GRM1: variants seen among roughly 807,000 people sequenced by gnomAD.
GRM1 encodes the protein glutamate metabotropic receptor 1.
Under a neutral mutation model 90.9 loss-of-function variants are expected in GRM1, and 33 were observed. That is an observed-to-expected ratio of 0.36 (90% CI 0.28 to 0.49). The LOEUF (loss-of-function observed/expected upper bound fraction) is 0.49, where lower values mean the gene tolerates loss of function less well. Ranked by LOEUF, GRM1 falls within the 20% of genes least tolerant of loss-of-function variation. The probability of loss-of-function intolerance (pLI) is 0.99; values close to 1 mark genes in which losing one functional copy is unlikely to be tolerated. For missense variants in GRM1, 1,190 were observed against 1,534.3 expected (o/e 0.78, Z 3.75); for synonymous variants, 700 against 613.2 (o/e 1.14, Z -2.09).
At chr6:146,352,544 G>A in intron 4 of GRM1, 48 bp downstream of exon 4, 1 of 1,597,432 alleles carries the variant, frequency 6.3e-7, no homozygotes. Context: ...GCCTTCCTGT[G>A]CCAGACAGAT....
chr6:146,199,973 T>C (rs1779248182), intron 2 of GRM1, among the ~76,000 whole-genome samples: 2 of 152,168 alleles, frequency 1.3e-5, no homozygotes, highest in Admixed American at 1.3e-4. Context: ...CCAAAATCTT[T>C]AACTGTTTCT....
At chr6:146,368,577 T>C (rs62434337) in intron 5 of GRM1, among the ~76,000 whole-genome samples, 5,907 of 152,202 alleles carry the variant, frequency 0.039, 153 homozygotes, top group Admixed American at 0.087. Flanking sequence ...GAATTTTTAT[T>C]ATTAAGTGAT....
intron 2 of GRM1, among the ~76,000 whole-genome samples, chr6:146,212,057 A>T (rs996284534): frequency 6.6e-6 from 1 of 152,206 alleles, no homozygotes; most frequent in African/African-American, 2.4e-5. Context: ...GGTGAAATTT[A>T]TTCTTCATCA....
At chr6:146,072,483 G>A (rs1272539467) in intron 1 of GRM1, among the ~76,000 whole-genome samples, 1 of 152,094 alleles carries the variant, frequency 6.6e-6, no homozygotes, top group Non-Finnish European at 1.5e-5. Context: ...TTTTTAGCAA[G>A]ATTCCACATC....
chr6:146,390,733 C>CT (rs967872037), intron 6 of GRM1, among the ~76,000 whole-genome samples: 1 of 151,996 alleles, frequency 6.6e-6, no homozygotes, highest in Non-Finnish European at 1.5e-5. Flanking sequence ...GTGCCAGGTA[C>CT]TTTTTAAAAA....
chr6:146,131,899 A>G (rs755009872), intron 1 of GRM1, among the ~76,000 whole-genome samples: 1 of 152,210 alleles, frequency 6.6e-6, no homozygotes, highest in Non-Finnish European at 1.5e-5. Context: ...GCCACTTTAT[A>G]TAGGATGGCC....
At chr6:146,086,269 T>G (rs1776542227) in intron 1 of GRM1, among the ~76,000 whole-genome samples, 1 of 152,188 alleles carries the variant, frequency 6.6e-6, no homozygotes, top group Non-Finnish European at 1.5e-5. Flanking sequence ...TTTGCTCCTC[T>G]TGCCCAGGTC....
intron 1 of GRM1, among the ~76,000 whole-genome samples, chr6:146,077,580 A>G (rs1366637881): frequency 6.6e-6 from 1 of 152,230 alleles, no homozygotes; most frequent in African/African-American, 2.4e-5. Flanking sequence ...ATTTCTGCTG[A>G]ACTTTGGAAA....
intron 1 of GRM1, among the ~76,000 whole-genome samples, chr6:146,105,169 C>T (rs1777185433): frequency 6.6e-6 from 1 of 152,122 alleles, no homozygotes; most frequent in East Asian, 1.9e-4. Flanking sequence ...ATCATTGTGA[C>T]TTTTGATGAG....
At chr6:146,255,009 C>T (rs577623297) in intron 2 of GRM1, among the ~76,000 whole-genome samples, 5 of 152,052 alleles carry the variant, frequency 3.3e-5, no homozygotes, top group Non-Finnish European at 7.4e-5. Context: ...TAAATAAAAA[C>T]GGTATGAATA....
chr6:146,197,702 A>G (rs1779168165), intron 2 of GRM1, among the ~76,000 whole-genome samples: 1 of 152,242 alleles, frequency 6.6e-6, no homozygotes, highest in South Asian at 2.1e-4. Context: ...AGTATTGTTC[A>G]TCCTCTGTGA....
In GRM1 at chr6:146,029,286, T is replaced by C. The variant is rs1010675301; in HGVS notation, c.-232T>C. 1.7e-6 allele frequency: 1 copy of C among 580,258 alleles called. No individual in the cohort carries two copies. Among genetic ancestry groups the C allele is most frequent in the Non-Finnish European group, 3.1e-6 (1 of 324,812 alleles). The allele number at this position is 580,258 out of a possible 1,614,324, so 35.9% of individuals were successfully genotyped here. ...TACCGGTGAAGAACGGGGACTCGAA[T>C]TCCCTTACAAACGCCTCCAGCTTGT... On this transcript the variant is annotated 5_prime_UTR_variant, in exon 1 of 8. Transcript: ENST00000282753.
chr6:146,066,101 G>A (rs915014592), intron 1 of GRM1, among the ~76,000 whole-genome samples: 2 of 151,928 alleles, frequency 1.3e-5, no homozygotes, highest in Admixed American at 6.6e-5. Context: ...GGGTACATGT[G>A]CAGATTTCTT....
chr6:146,130,458 A>G (rs1317003280), intron 1 of GRM1, among the ~76,000 whole-genome samples: 1 of 152,106 alleles, frequency 6.6e-6, no homozygotes, highest in Admixed American at 6.5e-5. Context: ...TTAGCTAACT[A>G]GTTTTATTTT....
In GRM1 at chr6:146,029,414, C is replaced by A; in HGVS notation, c.-104C>A. 1 of 910,560 alleles carries A rather than the reference C, an allele frequency of 1.1e-6. No individual in the cohort carries two copies. Among genetic ancestry groups the A allele is most frequent in the Non-Finnish European group, 1.8e-6 (1 of 543,172 alleles). 56.4% of individuals were successfully genotyped at this position (910,560 alleles called of 1,614,324 possible). A position where few individuals can be genotyped will look rare whatever the true frequency, so the allele number is the denominator to read the frequency against. ...ACCATTGTTGGCGAGGGGCACCACT[C>A]CGGGAGAGGCGGCGCTGGGCGTCTT... On this transcript the variant is annotated 5_prime_UTR_variant, in exon 1 of 8. Transcript: ENST00000282753.
intron 7 of GRM1, among the ~76,000 whole-genome samples, chr6:146,411,829 A>G (rs1777579516): frequency 6.6e-6 from 1 of 152,318 alleles, no homozygotes; most frequent in South Asian, 2.1e-4. Flanking sequence ...TACAAGACCT[A>G]TAAAAGTTGA....
At chr6:146,347,733 A>T (rs1382890545) in intron 3 of GRM1, among the ~76,000 whole-genome samples, 1 of 152,226 alleles carries the variant, frequency 6.6e-6, no homozygotes, top group Non-Finnish European at 1.5e-5. Context: ...ATGAATGTGT[A>T]CATATGTAAA....
chr6:146,126,217 A>G (rs1776193505), intron 1 of GRM1, among the ~76,000 whole-genome samples: 3 of 152,162 alleles, frequency 2.0e-5, no homozygotes, highest in Non-Finnish European at 4.4e-5. Flanking sequence ...GAAAAAATAC[A>G]TTCTTGACAA....
chr6:146,110,416 T>C (rs1775512057), intron 1 of GRM1, among the ~76,000 whole-genome samples: 1 of 152,202 alleles, frequency 6.6e-6, no homozygotes, highest in Non-Finnish European at 1.5e-5. Flanking sequence ...CCTTTCACCT[T>C]CCATCATGAT....
Sources: gnomAD v4.1 joint callset for allele counts (sites outside exome capture counted in the v4.1 genomes callset) on GRCh38, gnomAD v4.1.1 for gene constraint, MANE v1.5 for transcripts, NCBI Gene and HGNC (gene_info 2026-07-23, HGNC 2026-07-21) for gene names.